Variants in OSBPL1A observed in about 807,000 individuals in gnomAD.
The protein encoded by OSBPL1A is oxysterol-binding protein-related protein 1.
OSBPL1A carries 80 observed loss-of-function variants against 137.1 expected under a neutral mutation model. The ratio of observed to expected loss-of-function variants is 0.58; its 90% CI spans 0.49 to 0.70. The LOEUF (loss-of-function observed/expected upper bound fraction) is 0.70. Among genes scored for constraint, OSBPL1A ranks in the 30% least tolerant of loss-of-function variants. OSBPL1A has a pLI of 0.00. For synonymous variants in OSBPL1A, 365 were observed against 389.7 expected (o/e 0.94, Z 0.75); for missense variants, 970 against 1,129.4 (o/e 0.86, Z 2.02).
chr18:24,189,840 C>T (rs2086841414), intron 18 of OSBPL1A, among the ~76,000 whole-genome samples: 2 of 152,324 alleles, frequency 1.3e-5, no homozygotes, highest in Admixed American at 6.5e-5. Context: ...CTTCTGTCCT[C>T]AGTCCTCACA....
chr18:24,201,517 C>T (rs2145953455), intron 17 of OSBPL1A, among the ~76,000 whole-genome samples: 1 of 152,294 alleles, frequency 6.6e-6, no homozygotes, highest in East Asian at 1.9e-4. Flanking sequence ...AATCCCAGCA[C>T]TTTGGGAGGC....
rs34897629 is a variant in OSBPL1A, at chr18:24,332,572, C to CAA, written c.625+368_625+369dup. Among the ~76,000 whole-genome samples, 11 of 108,478 alleles carry CAA rather than the reference C, an allele frequency of 1.0e-4. No individual in the cohort carries two copies. The East Asian group carries it at 1.2e-3, about 12-fold the overall frequency. The allele number at this position is 108,478 out of a possible 152,430, so 71.2% of individuals were successfully genotyped here. ...AACAATATGTATTAAATAGAAACAG[C>CAA]AAAAAAAAAAAAAAAAGGTTTCATA... is the stretch of plus-strand genomic sequence containing the variant. On this transcript the variant is annotated intron_variant, in intron 7 of 27. Coordinates refer to ENST00000319481, the MANE Select transcript of OSBPL1A (RefSeq NM_080597.4).
At chr18:24,324,665 T>A (rs1041353158) in intron 7 of OSBPL1A, among the ~76,000 whole-genome samples, 1 of 143,680 alleles carries the variant, frequency 7.0e-6, no homozygotes, top group Admixed American at 7.3e-5. Flanking sequence ...ATGCCTGTAG[T>A]CCCAGCTACT....
At chr18:24,253,160 G>A (rs2588616) in intron 15 of OSBPL1A, among the ~76,000 whole-genome samples, 1 of 45,964 alleles carries the variant, frequency 2.2e-5, no homozygotes, top group East Asian at 1.0e-3. Context: ...CCAATGAAAA[G>A]ACATGGCGGG....
At chr18:24,314,582 T>A (rs571381689) in intron 11 of OSBPL1A, among the ~76,000 whole-genome samples, 1 of 152,322 alleles carries the variant, frequency 6.6e-6, no homozygotes, top group African/African-American at 2.4e-5. Flanking sequence ...AATACTATGG[T>A]TCATCAGGTT....
At chr18:24,335,790 C>T (rs987846326) in intron 5 of OSBPL1A, among the ~76,000 whole-genome samples, 6 of 152,202 alleles carry the variant, frequency 3.9e-5, no homozygotes, top group Non-Finnish European at 7.3e-5. Context: ...CTACACGTAC[C>T]ATTGCATTTA....
intron 4 of OSBPL1A, among the ~76,000 whole-genome samples, chr18:24,346,908 A>ATTTT (rs111588736): frequency 7.1e-6 from 1 of 140,612 alleles, no homozygotes; most frequent in African/African-American, 2.6e-5. Flanking sequence ...GTGCCTAGCT[A>ATTTT]TTTTTTTTTT....
At chr18:24,347,833 C>T (rs2091370690) in intron 4 of OSBPL1A, 1 of 117,264 alleles carries the variant, frequency 8.5e-6, no homozygotes, top group African/African-American at 3.4e-5. Flanking sequence ...CAGAGCGACA[C>T]TCCATCTGAA....
At chr18:24,269,851 A>AACACACACACACACACACACAC (rs147895357) in intron 15 of OSBPL1A, among the ~76,000 whole-genome samples, 21 of 140,072 alleles carry the variant, frequency 1.5e-4, no homozygotes, top group African/African-American at 2.4e-4. Flanking sequence ...TGACAAGCCT[A>AACACACACACACACACACACAC]ACACACACAC....
intron 14 of OSBPL1A, among the ~76,000 whole-genome samples, chr18:24,285,653 T>C (rs982194763): frequency 2.0e-5 from 3 of 152,178 alleles, no homozygotes; most frequent in African/African-American, 7.2e-5. Flanking sequence ...TGAATATGTA[T>C]GTGGCTTTTT....
intron 14 of OSBPL1A, among the ~76,000 whole-genome samples, chr18:24,302,159 G>A (rs896706353): frequency 6.0e-5 from 9 of 151,230 alleles, no homozygotes; most frequent in African/African-American, 1.2e-4. Flanking sequence ...GCATGAACAC[G>A]GGAGGCGGAG....
chr18:24,287,800 A>AATAAAATAAC (rs1470395069), intron 14 of OSBPL1A, among the ~76,000 whole-genome samples: 1 of 151,536 alleles, frequency 6.6e-6, no homozygotes, highest in Non-Finnish European at 1.5e-5. Context: ...AATAAAATAA[A>AATAAAATAAC]ATAAAATAAA....
intron 1 of OSBPL1A, among the ~76,000 whole-genome samples, chr18:24,388,707 G>T (rs1351527218): frequency 6.7e-6 from 1 of 149,928 alleles, no homozygotes; most frequent in Non-Finnish European, 1.5e-5. Context: ...AGCTGAAGCA[G>T]GAGAATCGCT....
chr18:24,375,007 A>G (rs990308074), intron 2 of OSBPL1A, among the ~76,000 whole-genome samples: 5 of 152,114 alleles, frequency 3.3e-5, no homozygotes, highest in Non-Finnish European at 7.4e-5. Flanking sequence ...TCAAGACTTT[A>G]TCAAAAAGGC....
At chr18:24,191,310 A>G (rs1310279750) in intron 18 of OSBPL1A, among the ~76,000 whole-genome samples, 1 of 152,226 alleles carries the variant, frequency 6.6e-6, no homozygotes, top group Non-Finnish European at 1.5e-5. Flanking sequence ...TTTGGCATCT[A>G]GTGGAGAAGG....
At chr18:24,300,245 C>T (rs901613948) in intron 14 of OSBPL1A, among the ~76,000 whole-genome samples, 5 of 152,094 alleles carry the variant, frequency 3.3e-5, no homozygotes, top group Admixed American at 1.3e-4. Context: ...ACAGCATTTC[C>T]GATCAAAGAC....
At chr18:24,164,722 C>T (rs1027854265) in intron 27 of OSBPL1A, among the ~76,000 whole-genome samples, 1 of 151,960 alleles carries the variant, frequency 6.6e-6, no homozygotes, top group African/African-American at 2.4e-5. Flanking sequence ...GCCACTGCAC[C>T]CCGCCAGAGA....
intron 21 of OSBPL1A, among the ~76,000 whole-genome samples, chr18:24,176,441 A>G (rs1165082352): frequency 6.6e-6 from 1 of 151,576 alleles, no homozygotes; most frequent in Non-Finnish European, 1.5e-5. Flanking sequence ...CTATTACTAT[A>G]TTTTTAGTAC....
chr18:24,381,265 T>A (rs1314963920), intron 1 of OSBPL1A, among the ~76,000 whole-genome samples: 2 of 152,116 alleles, frequency 1.3e-5, no homozygotes, highest in Admixed American at 6.5e-5. Flanking sequence ...CAAAGGGGAT[T>A]CTGGGTAAAC....
Sources: gnomAD v4.1 joint callset for allele counts (sites outside exome capture counted in the v4.1 genomes callset) on GRCh38, gnomAD v4.1.1 for gene constraint, MANE v1.5 for transcripts, NCBI Gene and HGNC (gene_info 2026-07-23, HGNC 2026-07-21) for gene names.